FGFR2: variants seen among roughly 807,000 people sequenced by gnomAD.
FGFR2 encodes fibroblast growth factor receptor 2.
In FGFR2, 19 loss-of-function variants were observed where a neutral mutation model predicts 95.9. The observed-to-expected ratio is 0.20, with a 90% CI of 0.14 to 0.29. The LOEUF (loss-of-function observed/expected upper bound fraction) is 0.29, where lower values mean the gene tolerates loss of function less well. FGFR2 is among the 10% of genes least tolerant of loss of function. FGFR2 has a pLI of 1.00. For missense variants in FGFR2, 707 were observed against 1,056.9 expected, an observed-to-expected ratio of 0.67 and a Z score of 4.59; for synonymous variants, 392 against 393.3, an observed-to-expected ratio of 1.00 and a Z score of 0.04.
chr10:121,497,489 A>C (rs41293755), intron 12 of FGFR2, among the ~76,000 whole-genome samples: 3,420 of 152,354 alleles, frequency 0.022, 122 homozygotes, highest in African/African-American at 0.079. Context: ...AAACAAAACC[A>C]GATCATTCCT....
At chr10:121,529,312 G>A (rs1589872037) in intron 6 of FGFR2, among the ~76,000 whole-genome samples, 1 of 152,086 alleles carries the variant, frequency 6.6e-6, no homozygotes, top group South Asian at 2.1e-4. Context: ...TTTTTACCAT[G>A]TTGGCCAGGC....
chr10:121,480,084 T>C (rs1384473007), intron 17 of FGFR2, 63 bp from the exon 18 acceptor site: 3 of 1,453,856 alleles, frequency 2.1e-6, no homozygotes, highest in South Asian at 2.3e-5. Context: ...GTGAATACGG[T>C]TCGAGAGGCT....
chr10:121,543,422 A>G (rs774727463), intron 5 of FGFR2, among the ~76,000 whole-genome samples: 1 of 152,188 alleles, frequency 6.6e-6, no homozygotes, highest in Non-Finnish European at 1.5e-5. Flanking sequence ...AGGCAAGAGA[A>G]TCGCTTGAAC....
Position 121,487,973 on chromosome 10 carries a change from T to C in FGFR2, c.1986+18A>G, listed in dbSNP as rs1845635411. On this transcript the variant is annotated intron_variant, in intron 14 of 17. Coordinates refer to ENST00000358487, the MANE Select transcript of FGFR2 (RefSeq NM_000141.5). ...CTCACCCCCGCCCCTGCCCACTGTG[T>C]TACTGCCATCGACTTACATTGGTGG... 1 of 1,614,080 alleles carries C rather than the reference T, an allele frequency of 6.2e-7. No individual in the cohort carries two copies. The highest frequency in any genetic ancestry group is 8.5e-7 in the Non-Finnish European group (1 of 1,179,968).
intron 17 of FGFR2, 117 bp from the exon 18 acceptor site, chr10:121,480,138 T>G: frequency 8.9e-7 from 1 of 1,118,112 alleles, no homozygotes; most frequent in Non-Finnish European, 1.4e-6. Context: ...GAGAAGAGTT[T>G]TATTTCAAAC....
chr10:121,516,786 C>T (rs2114681), intron 8 of FGFR2, among the ~76,000 whole-genome samples: 139,035 of 152,214 alleles, frequency 0.91, 64,851 homozygotes, highest in East Asian at 1. Context: ...GAAAGTCCAT[C>T]CTATCGCAAC....
chr10:121,503,177 G>A (rs1403744297), intron 10 of FGFR2, among the ~76,000 whole-genome samples: 1 of 152,238 alleles, frequency 6.6e-6, no homozygotes, highest in Non-Finnish European at 1.5e-5. Flanking sequence ...TGGAGTTCAA[G>A]CGAGACCAAG....
chr10:121,507,667 T>C (rs757576519), intron 9 of FGFR2, among the ~76,000 whole-genome samples: 1 of 152,136 alleles, frequency 6.6e-6, no homozygotes, highest in Non-Finnish European at 1.5e-5. Context: ...AAAAAACTGA[T>C]GAAGTGCTTA....
At position 121,518,112 on chromosome 10, in the gene FGFR2, C is replaced by A. The variant is rs1335414441; in HGVS notation, c.940-649G>T. On this transcript the variant is annotated intron_variant, in intron 7 of 17. Coordinates refer to ENST00000358487, the MANE Select transcript of FGFR2 (RefSeq NM_000141.5). This position sits in a 1 kb window ranked among gnomAD's most constrained non-coding sequence, Gnocchi z 4.0. ...ATAAACATTTGGATGTGAGTCATGACAAACCTAAAAAGTCAACCTTTTGCC... is the reference window on the plus strand; with the variant it reads ...ATAAACATTTGGATGTGAGTCATGAAAAACCTAAAAAGTCAACCTTTTGCC... 4 of 453,554 alleles carry A rather than the reference C, an allele frequency of 8.8e-6. No homozygotes were observed. The highest frequency in any genetic ancestry group is 1.7e-5 in the Non-Finnish European group (4 of 235,072). The allele number at this position is 453,554 out of a possible 1,614,324, so 28.1% of individuals were successfully genotyped here. A position where few individuals can be genotyped will look rare whatever the true frequency, so the allele number is the denominator to read the frequency against.
At chr10:121,565,799 AG>A (rs1365028442) in intron 2 of FGFR2, 95 bp from the exon 3 acceptor site, 9 of 1,470,734 alleles carry the variant, frequency 6.1e-6, no homozygotes, top group Non-Finnish European at 8.5e-6. Context: ...GCTTATTCCC[AG>A]GAGAAGCTGT....
intron 4 of FGFR2, among the ~76,000 whole-genome samples, chr10:121,557,505 G>C (rs1472587753): frequency 6.6e-6 from 1 of 152,022 alleles, no homozygotes; most frequent in Non-Finnish European, 1.5e-5. Context: ...ATGCGGTCTT[G>C]CTATGCTCCC....
At position 121,597,543 on chromosome 10, in the gene FGFR2, G is replaced by A. The variant is rs114540283; in HGVS notation, c.-151+419C>T. Among the ~76,000 whole-genome samples, 458 of 152,324 alleles carry A rather than the reference G, an allele frequency of 3.0e-3. 2 individuals are homozygous for A. Among genetic ancestry groups the A allele is most frequent in the African/African-American group, 0.011 (444 of 41,576 alleles). On this transcript the variant is annotated intron_variant, in intron 1 of 17. Transcript: ENST00000358487. ...GGTCTCCGCAGGGCCTGGATGGTAC[G>A]GAAGTTCCCAGGACACACGGATGGG...
chr10:121,597,182 G>C (rs1022639297), intron 1 of FGFR2, among the ~76,000 whole-genome samples: 5 of 152,238 alleles, frequency 3.3e-5, no homozygotes, highest in African/African-American at 1.2e-4. Context: ...CAGGTCCGTG[G>C]TCCGCGAGGG....
intron 5 of FGFR2, among the ~76,000 whole-genome samples, chr10:121,540,739 T>C (rs1174560904): frequency 6.6e-6 from 1 of 152,164 alleles, no homozygotes; most frequent in Non-Finnish European, 1.5e-5. Flanking sequence ...ATCCAGCATT[T>C]ATCCCTGCTG....
In FGFR2 at chr10:121,593,804, C is replaced by A; in HGVS notation, c.14G>T (p.Gly5Val). The part of the protein sequence containing the change: MVSW[G>V]RFICLVVVTM... ...GACCACGACCAGGCAGATGAAACGACCCCAGCTGACCATGGTTACGGTACC... is the reference window on the plus strand; with the variant it reads ...GACCACGACCAGGCAGATGAAACGAACCCAGCTGACCATGGTTACGGTACC... Residue 5 changes from glycine to valine, a missense_variant, in exon 2 of 18, where the codon GGT becomes GTT. Transcript: ENST00000358487. 3 of 1,614,140 alleles carry A rather than the reference C, an allele frequency of 1.9e-6. No homozygotes were observed. The highest frequency in any genetic ancestry group is 1.7e-6 in the Non-Finnish European group (2 of 1,180,006).
At chr10:121,499,777 T>C (rs1288341973) in intron 11 of FGFR2, among the ~76,000 whole-genome samples, 2 of 152,234 alleles carry the variant, frequency 1.3e-5, no homozygotes, top group African/African-American at 2.4e-5. Context: ...GACAGCACAG[T>C]GTTCCTCCCC....
Position 121,593,807 on chromosome 10 carries a change from C to A in FGFR2, c.11G>T (p.Trp4Leu), listed in dbSNP as rs1863039134. Reference protein sequence around the residue: MVSWGRFICLVVVT... With the variant: MVSLGRFICLVVVT... ...CACGACCAGGCAGATGAAACGACCC[C>A]AGCTGACCATGGTTACGGTACCAAT... The change falls in exon 2 of 18, where the codon TGG becomes TTG. Residue 4 changes from tryptophan (W) to leucine (L), a missense_variant. By Grantham distance (61) the Trp-to-Leu change is moderately conservative. Transcript: ENST00000358487. 1 of 1,614,052 alleles carries A rather than the reference C, an allele frequency of 6.2e-7. No homozygotes were observed. The highest frequency in any genetic ancestry group is 8.5e-7 in the Non-Finnish European group (1 of 1,180,018).
At chr10:121,582,360 T>A (rs1018250953) in intron 2 of FGFR2, among the ~76,000 whole-genome samples, 1 of 152,110 alleles carries the variant, frequency 6.6e-6, no homozygotes, top group Non-Finnish European at 1.5e-5. Context: ...AGCAAATGGA[T>A]GAAAAAACTC....
intron 6 of FGFR2, among the ~76,000 whole-genome samples, chr10:121,533,252 T>C (rs970650567): frequency 1.3e-5 from 2 of 152,142 alleles, no homozygotes; most frequent in African/African-American, 4.8e-5. Flanking sequence ...TAGCTGGGCA[T>C]GGTGGCACAT....
Sources: gnomAD v4.1 joint callset for allele counts (sites outside exome capture counted in the v4.1 genomes callset) on GRCh38, gnomAD v4.1.1 for gene constraint, Gnocchi (gnomAD v3.1) non-coding constraint, MANE v1.5 for transcripts, NCBI Gene and HGNC (gene_info 2026-07-23, HGNC 2026-07-21) for gene names.